Variants in ADGRB1 observed in about 807,000 individuals in gnomAD.
The protein encoded by ADGRB1 is adhesion G protein-coupled receptor B1, also known as brain-specific angiogenesis inhibitor 1.
Under a neutral mutation model 175.7 loss-of-function variants are expected in ADGRB1, and 36 were observed. The observed-to-expected ratio is 0.20, with a 90% CI of 0.16 to 0.27. ADGRB1 has a LOEUF of 0.27. Ranked by LOEUF, ADGRB1 falls within the 10% of genes least tolerant of loss-of-function variation. The probability of loss-of-function intolerance (pLI) is 1.00; values close to 1 mark genes in which losing one functional copy is unlikely to be tolerated. For missense variants in ADGRB1, 1,731 were observed against 2,255.3 expected, an observed-to-expected ratio of 0.77 and a Z score of 4.71; for synonymous variants, 1,054 against 979.4, an observed-to-expected ratio of 1.08 and a Z score of -1.42.
rs1006191676 is a variant in ADGRB1 at position 142,544,288 on chromosome 8, G to T, written c.4626G>T (p.Thr1542=). 19 of 1,549,282 alleles carry T rather than the reference G, an allele frequency of 1.2e-5. No homozygotes were observed. The highest frequency in any genetic ancestry group is 1.6e-5 in the Non-Finnish European group (18 of 1,146,628). ...TCCGGAAAGCCCACGGGACGCCCAC[G>T]TGGGTGAAGAAGGAGCTGGAGCCGC... ...ESLRKAHGTP[T]WVKKELEPLQ... Residue 1542 remains threonine (T), a synonymous_variant, in exon 31 of 31, where the codon ACG becomes ACT. Coordinates refer to ENST00000517894, the MANE Select transcript of ADGRB1 (RefSeq NM_001702.3).
intron 20 of ADGRB1, 44 bp from the exon 21 acceptor site, chr8:142,521,921 C>G: frequency 1.3e-6 from 2 of 1,543,076 alleles, no homozygotes; most frequent in Non-Finnish European, 1.7e-6. Flanking sequence ...GGTGTGGGGC[C>G]GGGGAGCACC....
intron 18 of ADGRB1, among the ~76,000 whole-genome samples, chr8:142,515,692 G>T (rs574346772): frequency 5.3e-5 from 8 of 152,058 alleles, no homozygotes; most frequent in Admixed American, 3.9e-4. Flanking sequence ...GCTCTGCGCT[G>T]GTAAAGTTAC....
At position 142,537,894 on chromosome 8, in the gene ADGRB1, G is replaced by T. The variant is rs1353645832; in HGVS notation, c.3666+812G>T. On this transcript the variant is annotated intron_variant, in intron 26 of 30. Coordinates refer to ENST00000517894, the MANE Select transcript of ADGRB1 (RefSeq NM_001702.3). The surrounding 1 kb of genome is among the most constrained non-coding windows in gnomAD (Gnocchi z 4.6). ...CTGGGGCTCAGCCAGGACCGTAGTG[G>T]GCTCCTAGTCACCAAGTCTGCTCCC... Among the ~76,000 whole-genome samples, 1 of 152,070 alleles carries T rather than the reference G, an allele frequency of 6.6e-6. No individual in the cohort carries two copies. The highest frequency in any genetic ancestry group is 6.5e-5 in the Admixed American group (1 of 15,270).
chr8:142,535,841 A>G (rs1446207618), intron 25 of ADGRB1, among the ~76,000 whole-genome samples: 1 of 151,880 alleles, frequency 6.6e-6, no homozygotes, highest in Non-Finnish European at 1.5e-5. Flanking sequence ...GAGGGAGAGG[A>G]TGGCAGGAAG....
intron 3 of ADGRB1, among the ~76,000 whole-genome samples, chr8:142,476,080 C>T (rs377099570): frequency 6.6e-6 from 1 of 152,250 alleles, no homozygotes; most frequent in Non-Finnish European, 1.5e-5. Context: ...CTGCCCCAGC[C>T]GGATACTGCC....
At chr8:142,515,687 G>A (rs535345986) in intron 18 of ADGRB1, among the ~76,000 whole-genome samples, 86 of 152,266 alleles carry the variant, frequency 5.6e-4, no homozygotes, top group African/African-American at 2.0e-3. Context: ...CCTCAGCTCT[G>A]CGCTGGTAAA....
In ADGRB1 at chr8:142,477,052, G is replaced by A. The variant is rs2131795230; in HGVS notation, c.1058-62G>A. ...GGGCAGCCCTCCTGCTGCGGGGTCT[G>A]GCCCCGGTCTGACTGCAGCCCCATG... On this transcript the variant is annotated intron_variant, in intron 4 of 30. Coordinates refer to ENST00000517894, the MANE Select transcript of ADGRB1 (RefSeq NM_001702.3). The A allele has an allele frequency of 6.2e-6, 9 of 1,447,750 alleles. No individual in the cohort carries two copies. The South Asian group carries it at 1.1e-4, about 18-fold the overall frequency. The allele number at this position is 1,447,750 out of a possible 1,614,324, so 89.7% of individuals were successfully genotyped here. A position where few individuals can be genotyped will look rare whatever the true frequency, so the allele number is the denominator to read the frequency against.
At chr8:142,495,854 T>G (rs2131918415) in intron 17 of ADGRB1, among the ~76,000 whole-genome samples, 1 of 144,822 alleles carries the variant, frequency 6.9e-6, no homozygotes, top group South Asian at 2.2e-4. Flanking sequence ...TGGACATATA[T>G]TGGGGAGAAG....
At position 142,539,807 on chromosome 8, in the gene ADGRB1, G is replaced by A. The variant is rs887588097; in HGVS notation, c.3706+394G>A. ...TCCCCCCCCCTGCCTCCTGCCCACC[G>A]CCCTCTAGCACCTGTGTTCTGTGCC... On this transcript the variant is annotated intron_variant, in intron 27 of 30. Coordinates refer to ENST00000517894, the MANE Select transcript of ADGRB1 (RefSeq NM_001702.3). 4.4e-4 allele frequency: 126 copies of A among 289,224 alleles called. 1 individual carries two copies. The highest frequency in any genetic ancestry group is 3.3e-5 in the Non-Finnish European group (5 of 152,036). 17.9% of individuals were successfully genotyped at this position (289,224 alleles called of 1,614,324 possible). A position where few individuals can be genotyped will look rare whatever the true frequency, so the allele number is the denominator to read the frequency against.
chr8:142,464,541 C>T lies in ADGRB1; in HGVS notation c.343C>T (p.Leu115=), dbSNP rs1840151114. ...CTTCCTCGAGTCCACGCGCACCTAC[C>T]TGGGCGTGGAGAGCTTCGACGAGGT... ...DSFLESTRTY[L]GVESFDEVLR... Residue 115 remains leucine (L), a synonymous_variant, in exon 2 of 31, where the codon CTG becomes TTG. Coordinates refer to ENST00000517894, the MANE Select transcript of ADGRB1 (RefSeq NM_001702.3). 1.3e-6 allele frequency: 2 copies of T among 1,564,476 alleles called. No homozygotes were observed. Among genetic ancestry groups the T allele is most frequent in the Non-Finnish European group, 8.6e-7 (1 of 1,157,990 alleles).
Position 142,542,390 on chromosome 8 carries a change from G to T in ADGRB1, c.4156G>T (p.Ala1386Ser). The T allele has an allele frequency of 1.3e-6, 2 of 1,558,140 alleles. No individual in the cohort carries two copies. The highest frequency in any genetic ancestry group is 8.7e-7 in the Non-Finnish European group (1 of 1,153,100). Residue 1386 changes from alanine to serine, a missense_variant, in exon 28 of 31, where the codon GCC becomes TCC. By Grantham distance (99) the Ala-to-Ser change is moderately conservative (BLOSUM62 1). Transcript: ENST00000517894. This position sits in a 1 kb window ranked among gnomAD's most constrained non-coding sequence, Gnocchi z 6.3. ...CATCCACCTCAGCACGGCCCCCGAGGCCAGCCTCCCCGCCCGCAGCCCGCC... is the reference window on the plus strand; with the variant it reads ...CATCCACCTCAGCACGGCCCCCGAGTCCAGCCTCCCCGCCCGCAGCCCGCC... ...RLIHLSTAPEASLPARSPPSR... is the reference protein window; with the variant it reads ...RLIHLSTAPESSLPARSPPSR...
At chr8:142,535,830 T>C (rs1055668090) in intron 25 of ADGRB1, among the ~76,000 whole-genome samples, 8 of 151,762 alleles carry the variant, frequency 5.3e-5, no homozygotes, top group Non-Finnish European at 1.0e-4. Flanking sequence ...GGCAGGTCCA[T>C]GAGGGAGAGG....
At chr8:142,507,390 A>G (rs1027855145) in intron 17 of ADGRB1, among the ~76,000 whole-genome samples, 9 of 152,206 alleles carry the variant, frequency 5.9e-5, no homozygotes, top group African/African-American at 2.2e-4. Context: ...AGGCCCTTAC[A>G]GAATGGCCGG....
intron 9 of ADGRB1, among the ~76,000 whole-genome samples, chr8:142,480,595 T>C (rs1328377597): frequency 1.3e-5 from 2 of 152,244 alleles, no homozygotes; most frequent in Non-Finnish European, 2.9e-5. Flanking sequence ...GCCTTTGGTC[T>C]GCATGCGTGG....
At chr8:142,518,279 G>C (rs1035223719) in intron 19 of ADGRB1, 38 bp downstream of exon 19, 5 of 1,603,634 alleles carry the variant, frequency 3.1e-6, no homozygotes, top group African/African-American at 2.7e-5. Context: ...CATGTCTGTG[G>C]CTCCTGCATC....
At chr8:142,541,801 G>T in intron 27 of ADGRB1, 140 bp from the exon 28 acceptor site, 1 of 912,482 alleles carries the variant, frequency 1.1e-6, no homozygotes, top group Non-Finnish European at 1.6e-6. Flanking sequence ...CCTCCGATCG[G>T]TACCCAGCAG....
intron 2 of ADGRB1, among the ~76,000 whole-genome samples, chr8:142,472,606 G>C (rs1216765906): frequency 1.3e-5 from 2 of 152,218 alleles, no homozygotes; most frequent in Admixed American, 6.5e-5. Flanking sequence ...CTGAGTGTCA[G>C]CTAAGTGAGG....
chr8:142,469,748 A>G (rs778744560), intron 2 of ADGRB1, among the ~76,000 whole-genome samples: 3 of 147,234 alleles, frequency 2.0e-5, no homozygotes, highest in Non-Finnish European at 4.5e-5. Context: ...TGAATGTGTG[A>G]GTGCCTGTGT....
chr8:142,495,327 G>C (rs868460652), intron 17 of ADGRB1, among the ~76,000 whole-genome samples: 44 of 152,024 alleles, frequency 2.9e-4, no homozygotes, highest in African/African-American at 9.9e-4. Context: ...GTGGATGACA[G>C]CATGCATGGA....
Sources: gnomAD v4.1 joint callset for allele counts (sites outside exome capture counted in the v4.1 genomes callset) on GRCh38, gnomAD v4.1.1 for gene constraint, Gnocchi (gnomAD v3.1) non-coding constraint, MANE v1.5 for transcripts, NCBI Gene and HGNC (gene_info 2026-07-23, HGNC 2026-07-21) for gene names.